Variants in BAALC observed in about 807,000 individuals in gnomAD.
BAALC encodes BAALC binder of MAP3K1 and KLF4.
BAALC carries 9 observed loss-of-function variants against 15.5 expected under a neutral mutation model. The ratio of observed to expected loss-of-function variants is 0.58; its 90% CI spans 0.35 to 1.02. The LOEUF (loss-of-function observed/expected upper bound fraction) is 1.02, where lower values mean the gene tolerates loss of function less well. Among genes scored for constraint, BAALC ranks in the 50% least tolerant of loss-of-function variants. The pLI, the probability that BAALC is intolerant of heterozygous loss-of-function variation, is 0.02. For missense variants in BAALC, 201 were observed against 192.4 expected (o/e 1.04, Z -0.27); for synonymous variants, 80 against 74.6 (o/e 1.07, Z -0.37).
intron 2 of BAALC, among the ~76,000 whole-genome samples, chr8:103,216,426 G>C (rs890204241): frequency 1.2e-4 from 18 of 152,168 alleles, no homozygotes; most frequent in African/African-American, 4.3e-4. Context: ...AAATCAGTAA[G>C]TTGTGCTTAG....
chr8:103,193,908 T>C (rs1264936177), intron 1 of BAALC, among the ~76,000 whole-genome samples: 1 of 152,192 alleles, frequency 6.6e-6, no homozygotes, highest in Admixed American at 6.5e-5. Context: ...TGGGTGAACA[T>C]GAATTTAAGT....
chr8:103,227,930 G>A (rs562918709), intron 2 of BAALC, 59 bp from the exon 3 acceptor site: 22 of 1,205,804 alleles, frequency 1.8e-5, no homozygotes, highest in African/African-American at 4.5e-5. Flanking sequence ...GACTTGCCTC[G>A]GTCATTTTCT....
chr8:103,164,781 G>C (rs1811308129), intron 1 of BAALC, among the ~76,000 whole-genome samples: 1 of 152,144 alleles, frequency 6.6e-6, no homozygotes, highest in Non-Finnish European at 1.5e-5. Context: ...TCCCCAAGTG[G>C]AACGAATCTC....
chr8:103,216,449 G>C (rs1812558179), intron 2 of BAALC, among the ~76,000 whole-genome samples: 1 of 152,164 alleles, frequency 6.6e-6, no homozygotes, highest in Admixed American at 6.5e-5. Context: ...TGTCTTCCTT[G>C]TGGTAGCAAC....
At chr8:103,142,371 C>G (rs1387777747) in intron 1 of BAALC, among the ~76,000 whole-genome samples, 2 of 152,282 alleles carry the variant, frequency 1.3e-5, no homozygotes, top group Middle Eastern at 6.8e-3. Context: ...TCCAGTTTTT[C>G]TGACTCACAG....
chr8:103,218,778 T>G (rs1192437226), intron 2 of BAALC, among the ~76,000 whole-genome samples: 6 of 151,386 alleles, frequency 4.0e-5, no homozygotes, highest in African/African-American at 1.5e-4. Context: ...AGCTAAGGAG[T>G]TTTCTCCCGC....
At chr8:103,226,255 A>G (rs1812804885) in intron 2 of BAALC, among the ~76,000 whole-genome samples, 1 of 152,248 alleles carries the variant, frequency 6.6e-6, no homozygotes, top group Non-Finnish European at 1.5e-5. Flanking sequence ...ATGCAAGCTG[A>G]CAACAGCTTC....
At chr8:103,152,183 C>T (rs1811001432) in intron 1 of BAALC, among the ~76,000 whole-genome samples, 1 of 152,154 alleles carries the variant, frequency 6.6e-6, no homozygotes. Flanking sequence ...AATAAAATCC[C>T]AGTCCCTTCC....
chr8:103,156,302 C>G (rs976028422), intron 1 of BAALC, among the ~76,000 whole-genome samples: 2 of 152,128 alleles, frequency 1.3e-5, no homozygotes, highest in East Asian at 1.9e-4. Flanking sequence ...CATTTCTCAC[C>G]GTGAAGGCAG....
chr8:103,208,774 T>C (rs891439333), intron 1 of BAALC, among the ~76,000 whole-genome samples: 1 of 152,206 alleles, frequency 6.6e-6, no homozygotes, highest in Non-Finnish European at 1.5e-5. Flanking sequence ...TGCCTGCTCT[T>C]GATCCTGGTG....
At chr8:103,174,480 C>G (rs1811564594) in intron 1 of BAALC, among the ~76,000 whole-genome samples, 1 of 152,184 alleles carries the variant, frequency 6.6e-6, no homozygotes, top group Non-Finnish European at 1.5e-5. Flanking sequence ...GACTCTGCTG[C>G]AAGGATGCCA....
At chr8:103,197,376 A>G (rs1812119237) in intron 1 of BAALC, among the ~76,000 whole-genome samples, 1 of 152,018 alleles carries the variant, frequency 6.6e-6, no homozygotes, top group African/African-American at 2.4e-5. Flanking sequence ...CATAACATCT[A>G]CCTACAACAT....
intron 1 of BAALC, among the ~76,000 whole-genome samples, chr8:103,144,538 A>G (rs757759213): frequency 1.3e-5 from 2 of 152,192 alleles, no homozygotes; most frequent in Non-Finnish European, 2.9e-5. Flanking sequence ...GGGGTCTCCA[A>G]GGAGAAAGGA....
At chr8:103,179,498 AGTC>A (rs1811679725) in intron 1 of BAALC, among the ~76,000 whole-genome samples, 1 of 152,260 alleles carries the variant, frequency 6.6e-6, no homozygotes, top group Admixed American at 6.5e-5. Context: ...CTCTATGCGG[AGTC>A]ACAGACTTTT....
chr8:103,213,767 T>C (rs540967606), intron 2 of BAALC, among the ~76,000 whole-genome samples: 1 of 152,120 alleles, frequency 6.6e-6, no homozygotes, highest in Non-Finnish European at 1.5e-5. Context: ...TCTGACTTCC[T>C]TATCTTCCCT....
At position 103,213,012 on chromosome 8, in the gene BAALC, C is replaced by T. The variant is rs2130066881; in HGVS notation, c.254C>T (p.Thr85Ile). The T allele has an allele frequency of 6.2e-7, 1 of 1,614,112 alleles. No individual in the cohort carries two copies. Among genetic ancestry groups the T allele is most frequent in the Non-Finnish European group, 8.5e-7 (1 of 1,179,972 alleles). ...PNPEKKTNCE[T>I]QCPNPQSLSS... Reference sequence around the variant, plus strand: ...CCAGAGAAGAAGACGAACTGTGAGACCCAGTGCCCAAATCCCCAGAGCCTC... The same window carrying T: ...CCAGAGAAGAAGACGAACTGTGAGATCCAGTGCCCAAATCCCCAGAGCCTC... The change falls in exon 2 of 3, where the codon ACC becomes ATC. Residue 85 changes from threonine (T) to isoleucine (I), a missense_variant. Transcript: ENST00000309982.
At chr8:103,201,676 G>T (rs1221827841) in intron 1 of BAALC, among the ~76,000 whole-genome samples, 1 of 152,118 alleles carries the variant, frequency 6.6e-6, no homozygotes, top group Non-Finnish European at 1.5e-5. Flanking sequence ...GAACTAGGCA[G>T]AGACAGGGAG....
intron 1 of BAALC, among the ~76,000 whole-genome samples, chr8:103,155,680 A>C (rs1165327827): frequency 1.3e-5 from 2 of 152,064 alleles, no homozygotes; most frequent in Non-Finnish European, 2.9e-5. Context: ...TAATCACCTT[A>C]CTCATCTTTC....
chr8:103,175,374 G>T (rs1811585031), intron 1 of BAALC, among the ~76,000 whole-genome samples: 1 of 152,180 alleles, frequency 6.6e-6, no homozygotes, highest in South Asian at 2.1e-4. Flanking sequence ...AATGATTTGT[G>T]TTTATTTACT....
Sources: allele counts gnomAD v4.1 joint callset (sites outside exome capture counted in the v4.1 genomes callset), GRCh38; gene constraint gnomAD v4.1.1; transcripts MANE v1.5; gene names NCBI Gene and HGNC (gene_info 2026-07-23, HGNC 2026-07-21).